Variants in MYO3A observed in about 807,000 individuals in gnomAD.
MYO3A encodes the protein myosin IIIA.
Under a neutral mutation model 192.7 loss-of-function variants are expected in MYO3A, and 180 were observed. That is an observed-to-expected ratio of 0.93 (90% CI 0.83 to 1.06). MYO3A has a LOEUF of 1.06. Among genes scored for constraint, MYO3A ranks in the 50% least tolerant of loss-of-function variants. The pLI, the probability that MYO3A is intolerant of heterozygous loss-of-function variation, is 0.00. For synonymous variants in MYO3A, 628 were observed against 645.3 expected (o/e 0.97, Z 0.41); for missense variants, 1,896 against 1,905.0 (o/e 1.00, Z 0.09).
At chr10:26,072,047 T>TGG (rs1835238480) in intron 14 of MYO3A, among the ~76,000 whole-genome samples, 1 of 43,386 alleles carries the variant, frequency 2.3e-5, no homozygotes, top group Non-Finnish European at 7.4e-5. Context: ...AGGACCCTCT[T>TGG]CACATGGCAG....
chr10:25,947,332 G>T (rs552410407), intron 2 of MYO3A, among the ~76,000 whole-genome samples: 1 of 144,154 alleles, frequency 6.9e-6, no homozygotes, highest in Non-Finnish European at 1.5e-5. Context: ...CACATGTTCC[G>T]TCTATCTCTA....
chr10:26,212,117 C>T lies in MYO3A; in HGVS notation c.*154C>T, dbSNP rs1589132520. The T allele has an allele frequency of 7.7e-6, 9 of 1,166,550 alleles. No individual in the cohort carries two copies. The South Asian group carries it at 1.5e-4, about 20-fold the overall frequency. The allele number at this position is 1,166,550 out of a possible 1,614,324, so 72.3% of individuals were successfully genotyped here. A position where few individuals can be genotyped will look rare whatever the true frequency, so the allele number is the denominator to read the frequency against. On this transcript the variant is annotated 3_prime_UTR_variant, in exon 35 of 35. Coordinates refer to ENST00000642920, the MANE Select transcript of MYO3A (RefSeq NM_017433.5). ...CTGCTGCGCTCGGCCCTCAAGTGCC[C>T]GGGCCGGCCTTCGTGCTCCGAAACA...
chr10:26,170,226 T>C (rs994276463), intron 28 of MYO3A, among the ~76,000 whole-genome samples, 190 bp from the exon 29 acceptor site: 5 of 152,252 alleles, frequency 3.3e-5, no homozygotes, highest in African/African-American at 4.8e-5. Flanking sequence ...CTTTAGTTAT[T>C]GTTGCTATAG....
intron 9 of MYO3A, among the ~76,000 whole-genome samples, chr10:26,024,773 G>A (rs1322520451): frequency 6.6e-6 from 1 of 152,194 alleles, no homozygotes; most frequent in Non-Finnish European, 1.5e-5. Flanking sequence ...AGTGTCTGAC[G>A]TATTTCTTGC....
intron 23 of MYO3A, among the ~76,000 whole-genome samples, chr10:26,152,109 C>T (rs975666266): frequency 2.6e-5 from 4 of 152,158 alleles, no homozygotes; most frequent in Non-Finnish European, 5.9e-5. Flanking sequence ...TGTTGTGTTG[C>T]TTGGCTATCA....
intron 23 of MYO3A, among the ~76,000 whole-genome samples, chr10:26,151,937 G>A (rs1840812285): frequency 6.6e-6 from 1 of 152,216 alleles, no homozygotes; most frequent in South Asian, 2.1e-4. Flanking sequence ...TTTGAGGTGC[G>A]AAGGTTAATC....
At chr10:26,158,846 T>C (rs1841309954) in intron 26 of MYO3A, among the ~76,000 whole-genome samples, 1 of 152,118 alleles carries the variant, frequency 6.6e-6, no homozygotes, top group Admixed American at 6.6e-5. Context: ...AGTATATAAA[T>C]TACTATTAAG....
intron 14 of MYO3A, among the ~76,000 whole-genome samples, chr10:26,083,505 C>T (rs1836104378): frequency 6.6e-6 from 1 of 152,106 alleles, no homozygotes; most frequent in Admixed American, 6.6e-5. Flanking sequence ...TCTGGTTGCT[C>T]TTATTAGTAC....
intron 31 of MYO3A, among the ~76,000 whole-genome samples, chr10:26,180,409 T>C (rs1220097824): frequency 6.6e-6 from 1 of 151,886 alleles, no homozygotes; most frequent in Non-Finnish European, 1.5e-5. Context: ...ACCTCATAAT[T>C]AACTATAAAA....
At chr10:26,062,530 A>ACAAAAACAAAAAAAACAAAAAAAAACG (rs372411153) in intron 10 of MYO3A, among the ~76,000 whole-genome samples, 2 of 125,946 alleles carry the variant, frequency 1.6e-5, no homozygotes, top group Admixed American at 8.2e-5. Context: ...AAAAAAAAAA[A>ACAAAAACAAAAAAAACAAAAAAAAACG]AAATTATGGA....
At chr10:25,953,605 C>G (rs1837352520) in intron 3 of MYO3A, among the ~76,000 whole-genome samples, 1 of 151,994 alleles carries the variant, frequency 6.6e-6, no homozygotes, top group Non-Finnish European at 1.5e-5. Flanking sequence ...AAATTCAGCC[C>G]AATCCCATTG....
chr10:26,010,465 T>TTG (rs781482020), intron 6 of MYO3A, among the ~76,000 whole-genome samples: 8,354 of 150,090 alleles, frequency 0.056, 321 homozygotes, highest in African/African-American at 0.082. Context: ...TTTTTTTTTT[T>TTG]TTTTTTGTTT....
At chr10:26,180,179 T>C (rs1159679329) in intron 31 of MYO3A, among the ~76,000 whole-genome samples, 1 of 152,176 alleles carries the variant, frequency 6.6e-6, no homozygotes, top group African/African-American at 2.4e-5. Flanking sequence ...TAGTATTTAA[T>C]ACTAGCCAAT....
chr10:26,033,819 CAT>C (rs1842910177), intron 10 of MYO3A, among the ~76,000 whole-genome samples: 1 of 152,176 alleles, frequency 6.6e-6, no homozygotes. Flanking sequence ...TGGACTGAAT[CAT>C]GTGAAGATAG....
At chr10:26,200,213 C>A (rs1253504977) in intron 32 of MYO3A, among the ~76,000 whole-genome samples, 1 of 152,182 alleles carries the variant, frequency 6.6e-6, no homozygotes, top group Non-Finnish European at 1.5e-5. Flanking sequence ...ATAAAAGAAA[C>A]CATGAACTGT....
At chr10:26,055,961 AAC>A (rs1844292607) in intron 10 of MYO3A, among the ~76,000 whole-genome samples, 1 of 152,232 alleles carries the variant, frequency 6.6e-6, no homozygotes, top group African/African-American at 2.4e-5. Flanking sequence ...AAGGCATACT[AAC>A]AGGCAAAAAT....
intron 34 of MYO3A, among the ~76,000 whole-genome samples, chr10:26,207,068 G>C (rs1419884631): frequency 6.7e-6 from 1 of 149,814 alleles, no homozygotes; most frequent in East Asian, 1.9e-4. Flanking sequence ...TTTCTGTTTG[G>C]GTTTTTTTTT....
At chr10:26,174,894 G>A (rs542625053) in intron 30 of MYO3A, among the ~76,000 whole-genome samples, 11 of 151,814 alleles carry the variant, frequency 7.2e-5, no homozygotes, top group East Asian at 1.9e-4. Context: ...AAAAAAAGTC[G>A]TTTTAAGTTT....
chr10:26,041,879 T>G (rs536565048), intron 10 of MYO3A, among the ~76,000 whole-genome samples: 7 of 152,226 alleles, frequency 4.6e-5, no homozygotes, highest in Admixed American at 3.9e-4. Context: ...ATTATAATAT[T>G]CTGTGTTTTT....
Sources: allele counts gnomAD v4.1 joint callset (sites outside exome capture counted in the v4.1 genomes callset), GRCh38; gene constraint gnomAD v4.1.1; transcripts MANE v1.5; gene names NCBI Gene and HGNC (gene_info 2026-07-23, HGNC 2026-07-21).